The following QNG1 variants were observed in gnomAD, a reference collection of about 807,000 sequenced individuals.
The protein encoded by QNG1 is queuosine 5'-phosphate N-glycosylase/hydrolase.
the QNG1 span, among the ~76,000 whole-genome samples, chr9:83,945,993 C>A: frequency 6.6e-6 from 1 of 151,994 alleles, no homozygotes. Context: ...CAATATAATT[C>A]ACATTAATTG....
chr9:83,939,537 GA>G, the QNG1 span: 5 of 1,613,310 alleles, frequency 3.1e-6, no homozygotes, highest in Non-Finnish European at 4.2e-6. Context: ...CGTATGCGAT[GA>G]AACGGAATTC....
chr9:83,947,802 C>G, the QNG1 span, among the ~76,000 whole-genome samples: 36 of 152,358 alleles, frequency 2.4e-4, no homozygotes, highest in African/African-American at 8.4e-4. Flanking sequence ...GACAGAGGCT[C>G]GCTCACTCAG....
chr9:83,953,716 G>A, the QNG1 span: 18 of 1,005,980 alleles, frequency 1.8e-5, no homozygotes, highest in African/African-American at 2.7e-4. Context: ...GGAGTGCGGT[G>A]GCGTAATCTC....
At chr9:83,955,366 A>G in the QNG1 span, 4 of 1,608,186 alleles carry the variant, frequency 2.5e-6, no homozygotes, top group Non-Finnish European at 2.6e-6. Context: ...AAAATCCCCA[A>G]CAGAAGCAAC....
chr9:83,956,163 C>A, the QNG1 span: 1 of 1,608,800 alleles, frequency 6.2e-7, no homozygotes, highest in African/African-American at 1.3e-5. Flanking sequence ...ATGGCACCAA[C>A]CTTCGTCGAG....
chr9:83,947,370 TGCC>T, the QNG1 span, among the ~76,000 whole-genome samples: 8 of 152,166 alleles, frequency 5.3e-5, no homozygotes, highest in African/African-American at 1.9e-4. Flanking sequence ...ACTAAGAAAA[TGCC>T]AATGATACCC....
chr9:83,946,338 T>C, the QNG1 span, among the ~76,000 whole-genome samples: 1 of 151,914 alleles, frequency 6.6e-6, no homozygotes, highest in Non-Finnish European at 1.5e-5. Context: ...TACAGCAACA[T>C]ACAAAGAATA....
At chr9:83,953,792 C>T in the QNG1 span, 1,176 of 1,548,028 alleles carry the variant, frequency 7.6e-4, 18 homozygotes, top group South Asian at 0.013. Flanking sequence ...AAACAAAATC[C>T]GGGTGCAGCC....
At chr9:83,952,685 C>T in the QNG1 span, among the ~76,000 whole-genome samples, 2 of 150,534 alleles carry the variant, frequency 1.3e-5, no homozygotes, top group Non-Finnish European at 3.0e-5. Context: ...GTCCCAGCTA[C>T]GAGGGAGGCT....
chr9:83,944,677 A>G, the QNG1 span: 3 of 743,534 alleles, frequency 4.0e-6, no homozygotes, highest in African/African-American at 5.5e-5. Flanking sequence ...CTTTTTACAT[A>G]TACTATGAAC....
chr9:83,956,539 C>T, the QNG1 span: 69,971 of 1,501,572 alleles, frequency 0.047, 1,893 homozygotes, highest in Non-Finnish European at 0.054. Context: ...CTCTTCCCGC[C>T]CTAGGCGGGT....
At chr9:83,948,570 G>A in the QNG1 span, among the ~76,000 whole-genome samples, 3 of 152,198 alleles carry the variant, frequency 2.0e-5, no homozygotes, top group African/African-American at 4.8e-5. Flanking sequence ...CCTTCTGCCC[G>A]GCCGCCACCA....
the QNG1 span, among the ~76,000 whole-genome samples, chr9:83,942,187 G>A: frequency 6.6e-5 from 10 of 152,242 alleles, no homozygotes; most frequent in East Asian, 1.9e-3. Context: ...GTCAGCCCTA[G>A]GAAACTAATG....
chr9:83,938,682 A>G, the QNG1 span: 1 of 151,846 alleles, frequency 6.6e-6, no homozygotes, highest in African/African-American at 2.4e-5. Context: ...GGGAAAAAAA[A>G]AAAACATAAG....
At chr9:83,953,550 G>C in the QNG1 span, 41 of 354,008 alleles carry the variant, frequency 1.2e-4, no homozygotes, top group African/African-American at 8.5e-4. Flanking sequence ...GTTTCACCAC[G>C]TTGGCCAGGC....
At chr9:83,943,198 G>A in the QNG1 span, among the ~76,000 whole-genome samples, 1 of 151,898 alleles carries the variant, frequency 6.6e-6, no homozygotes, top group Non-Finnish European at 1.5e-5. Flanking sequence ...AAATTAGCCA[G>A]GCATCGTGGC....
the QNG1 span, among the ~76,000 whole-genome samples, chr9:83,946,130 C>A: frequency 6.6e-6 from 1 of 151,732 alleles, no homozygotes; most frequent in Non-Finnish European, 1.5e-5. Flanking sequence ...TATGGTAATA[C>A]CCCGTCTGTA....
chr9:83,943,331 C>CAAAAAAAAAAAAAAAAAAAAAAAA, the QNG1 span, among the ~76,000 whole-genome samples: 1 of 62,550 alleles, frequency 1.6e-5, no homozygotes, highest in African/African-American at 5.1e-5. Flanking sequence ...CAGAGCGTCT[C>CAAAAAAAAAAAAAAAAAAAAAAAA]AAAAAAAAAA....
At chr9:83,944,497 A>T in the QNG1 span, among the ~76,000 whole-genome samples, 1 of 152,186 alleles carries the variant, frequency 6.6e-6, no homozygotes, top group Admixed American at 6.5e-5. Flanking sequence ...CTCTTCAAAT[A>T]CTATAACTGA....
Sources: gnomAD v4.1 joint callset for allele counts (sites outside exome capture counted in the v4.1 genomes callset) on GRCh38, gnomAD v4.1.1 for gene constraint, MANE v1.5 for transcripts, NCBI Gene and HGNC (gene_info 2026-07-23, HGNC 2026-07-21) for gene names.